NUP210: variants seen among roughly 807,000 people sequenced by gnomAD.
The protein encoded by NUP210 is nucleoporin 210, also known as nuclear pore membrane glycoprotein 210.
Under a neutral mutation model 196.0 loss-of-function variants are expected in NUP210, and 151 were observed. That is an observed-to-expected ratio of 0.77 (90% CI 0.67 to 0.88). NUP210 has a LOEUF of 0.88. Among genes scored for constraint, NUP210 ranks in the 40% least tolerant of loss-of-function variants. The pLI, the probability that NUP210 is intolerant of heterozygous loss-of-function variation, is 0.00. For missense variants in NUP210, 2,314 were observed against 2,493.7 expected (o/e 0.93, Z 1.53); for synonymous variants, 1,070 against 1,052.7 (o/e 1.02, Z -0.32).
At chr3:13,414,195 T>A (rs986566937) in intron 1 of NUP210, among the ~76,000 whole-genome samples, 6 of 152,206 alleles carry the variant, frequency 3.9e-5, no homozygotes, top group African/African-American at 1.2e-4. Context: ...GGGTGGTGGA[T>A]GACACACGCC....
chr3:13,383,870 T>C (rs987316367), intron 6 of NUP210, among the ~76,000 whole-genome samples: 5 of 151,942 alleles, frequency 3.3e-5, no homozygotes, highest in African/African-American at 7.3e-5. Context: ...CTTAACTACA[T>C]GGGCTCTGCT....
At position 13,366,765 on chromosome 3, in the gene NUP210, C is replaced by T. The variant is rs573893024; in HGVS notation, c.1787-674G>A. ...ATCTCCTGACCTCATTATCCACCCC[C>T]CTCAGCCTCCCAAAGTGCTGGAATT... On this transcript the variant is annotated intron_variant, in intron 13 of 39. Coordinates refer to ENST00000254508, the MANE Select transcript of NUP210 (RefSeq NM_024923.4). Among the ~76,000 whole-genome samples, 6 of 151,698 alleles carry T rather than the reference C, an allele frequency of 4.0e-5. No homozygotes were observed. The South Asian group carries it at 1.2e-3, about 31-fold the overall frequency.
At chr3:13,371,727 C>G in intron 13 of NUP210, 107 bp downstream of exon 13, 1 of 1,014,580 alleles carries the variant, frequency 9.9e-7, no homozygotes, top group East Asian at 2.6e-5. Context: ...TGCAGCCCCT[C>G]TGCTGCCTCA....
intron 1 of NUP210, among the ~76,000 whole-genome samples, chr3:13,405,403 T>C (rs1425971392): frequency 2.0e-5 from 3 of 152,182 alleles, no homozygotes. Context: ...TCAGCTCTCC[T>C]GAGATTCCAG....
chr3:13,360,129 A>G, intron 15 of NUP210, 141 bp downstream of exon 15: 1 of 715,664 alleles, frequency 1.4e-6, no homozygotes, highest in Non-Finnish European at 2.3e-6. Context: ...ACCACGCCTC[A>G]GTTTGCCTGT....
chr3:13,378,189 C>A (rs73813571), intron 8 of NUP210, among the ~76,000 whole-genome samples: 1 of 151,610 alleles, frequency 6.6e-6, no homozygotes, highest in Non-Finnish European at 1.5e-5. Flanking sequence ...GGCAGGTCTA[C>A]GCTCTGAATC....
Position 13,400,263 on chromosome 3 carries a change from G to A in NUP210, c.168-402C>T, listed in dbSNP as rs891549888. Among the ~76,000 whole-genome samples the A allele has an allele frequency of 2.6e-5, 4 of 152,250 alleles. No homozygotes were observed. The South Asian group carries it at 6.2e-4, about 24-fold the overall frequency. ...CACAGGGAGGGGGCACAGGCATCTC[G>A]ACCGACCTCTAGCCCAGGCCTGGCG... is the stretch of plus-strand genomic sequence containing the variant. On this transcript the variant is annotated intron_variant, in intron 1 of 39. Transcript: ENST00000254508.
At chr3:13,344,992 G>A (rs1697666610) in intron 20 of NUP210, 6 of 985,410 alleles carry the variant, frequency 6.1e-6, no homozygotes, top group Non-Finnish European at 7.2e-6. Context: ...GGTGCCATCA[G>A]TGTTGATGGG....
Position 13,376,269 on chromosome 3 carries a change from C to T in NUP210, c.1293+22G>A, listed in dbSNP as rs762243090. 1.2e-4 allele frequency: 193 copies of T among 1,612,302 alleles called. 2 individuals are homozygous for T. In the Admixed American group the frequency reaches 2.0e-3, roughly 17 times the overall value. ...GGTGGCTTCATAGGACAAGGCACGA[C>T]GCAGGGGAGACACCAACTTGCCTGG... On this transcript the variant is annotated intron_variant, in intron 10 of 39. Coordinates refer to ENST00000254508, the MANE Select transcript of NUP210 (RefSeq NM_024923.4).
chr3:13,352,014 C>T (rs748202918), intron 19 of NUP210, 34 bp from the exon 20 acceptor site: 4 of 1,606,202 alleles, frequency 2.5e-6, no homozygotes, highest in Admixed American at 3.3e-5. Flanking sequence ...GGTTGGGCCG[C>T]ATGTGGGAGG....
chr3:13,363,521 T>C (rs1698436007), intron 14 of NUP210, among the ~76,000 whole-genome samples: 1 of 152,232 alleles, frequency 6.6e-6, no homozygotes, highest in African/African-American at 2.4e-5. Flanking sequence ...CATGGAACCC[T>C]GTGCCAAGGA....
chr3:13,395,242 T>C (rs1312555282), intron 3 of NUP210, among the ~76,000 whole-genome samples: 5 of 152,262 alleles, frequency 3.3e-5, no homozygotes, highest in African/African-American at 2.4e-5. Context: ...TGGATACACA[T>C]TCAAGAAAAA....
At position 13,398,346 on chromosome 3, in the gene NUP210, G is replaced by A. The variant is rs187898640; in HGVS notation, c.305-858C>T. Among the ~76,000 whole-genome samples the A allele has an allele frequency of 1.2e-3, 178 of 152,286 alleles. 1 individual carries two copies. Among genetic ancestry groups the A allele is most frequent in the Admixed American group, 2.4e-3 (36 of 15,302 alleles). On this transcript the variant is annotated intron_variant, in intron 2 of 39. Coordinates refer to ENST00000254508, the MANE Select transcript of NUP210 (RefSeq NM_024923.4). ...CAATCCCAGCTACTTGGGAGGCTGA[G>A]GCAGAAGAATTGCTTAAACCCGGGA...
At chr3:13,387,769 C>T (rs1403347500) in intron 5 of NUP210, among the ~76,000 whole-genome samples, 2 of 152,226 alleles carry the variant, frequency 1.3e-5, no homozygotes, top group Admixed American at 1.3e-4. Flanking sequence ...CTCCTTTCCT[C>T]TGGCATACCC....
chr3:13,327,488 A>G, intron 31 of NUP210, 51 bp from the exon 32 acceptor site: 1 of 1,359,070 alleles, frequency 7.4e-7, no homozygotes, highest in East Asian at 2.4e-5. Context: ...AGAAGCTTCC[A>G]ACTCCCAAAG....
At chr3:13,415,771 C>T (rs1169208383) in intron 1 of NUP210, among the ~76,000 whole-genome samples, 1 of 152,188 alleles carries the variant, frequency 6.6e-6, no homozygotes, top group Non-Finnish European at 1.5e-5. Context: ...TGCTGACGTG[C>T]CCGTCCCAGA....
At chr3:13,413,701 G>C (rs1327544447) in intron 1 of NUP210, among the ~76,000 whole-genome samples, 2 of 152,180 alleles carry the variant, frequency 1.3e-5, no homozygotes, top group Admixed American at 6.5e-5. Context: ...AGAAAATAGG[G>C]AGTTGCTATT....
chr3:13,340,809 C>T lies in NUP210; in HGVS notation c.3229-511G>A, dbSNP rs997465108. ...CCTCCGGATTAGCCTGGGAGGAGACCAGGGACGTTGGTGCCACTCTTTGCA... is the reference window on the plus strand; with the variant it reads ...CCTCCGGATTAGCCTGGGAGGAGACTAGGGACGTTGGTGCCACTCTTTGCA... On this transcript the variant is annotated intron_variant, in intron 23 of 39. Transcript: ENST00000254508. The surrounding 1 kb of genome is among the most constrained non-coding windows in gnomAD (Gnocchi z 4.0). Among the ~76,000 whole-genome samples the T allele has an allele frequency of 1.3e-5, 2 of 152,110 alleles. No homozygotes were observed. The highest frequency in any genetic ancestry group is 1.5e-5 in the Non-Finnish European group (1 of 68,008).
chr3:13,416,803 C>T (rs1395801493), intron 1 of NUP210, among the ~76,000 whole-genome samples: 2 of 152,126 alleles, frequency 1.3e-5, no homozygotes, highest in Non-Finnish European at 2.9e-5. Flanking sequence ...AGGAGGTTCC[C>T]GAGGTGCCCA....
Sources: gnomAD v4.1 joint callset for allele counts (sites outside exome capture counted in the v4.1 genomes callset) on GRCh38, gnomAD v4.1.1 for gene constraint, Gnocchi (gnomAD v3.1) non-coding constraint, MANE v1.5 for transcripts, NCBI Gene and HGNC (gene_info 2026-07-23, HGNC 2026-07-21) for gene names.